Variants in C1RL observed in about 807,000 individuals in gnomAD.
C1RL encodes the protein complement C1r subcomponent-like protein.
C1RL carries 27 observed loss-of-function variants against 27.9 expected under a neutral mutation model. The ratio of observed to expected loss-of-function variants is 0.97; its 90% CI spans 0.71 to 1.33. The LOEUF (loss-of-function observed/expected upper bound fraction) is 1.33, where lower values mean the gene tolerates loss of function less well. Among genes scored for constraint, C1RL ranks in the 40% most tolerant of loss-of-function variants. C1RL has a pLI of 0.00. For missense variants in C1RL, 563 were observed against 623.9 expected (o/e 0.90, Z 1.04); for synonymous variants, 248 against 252.1 (o/e 0.98, Z 0.15).
chr12:7,108,237 C>CG lies in C1RL; in HGVS notation c.300+13_300+14insC. On this transcript the variant is annotated intron_variant, in intron 2 of 5. Transcript: ENST00000266542. ...GCCACAGTCCTGGCGGGACCCCCCC[C>CG]ATCCCCAGCTCACTGTGACAGAGTC... 6.3e-7 allele frequency: 1 copy of CG among 1,582,378 alleles called. No individual in the cohort carries two copies. Among genetic ancestry groups the CG allele is most frequent in the Non-Finnish European group, 8.6e-7 (1 of 1,159,208 alleles).
In C1RL at chr12:7,099,072, A is replaced by T. The variant is rs1591596664; in HGVS notation, c.691+614T>A. 4.0e-5 allele frequency among the ~76,000 whole-genome samples: 6 copies of T among 151,010 alleles called. No homozygotes were observed. The East Asian group carries it at 1.2e-3, about 29-fold the overall frequency. On this transcript the variant is annotated intron_variant, in intron 5 of 5. Transcript: ENST00000266542. ...AAAAAAAAAAATAAAATAAAATAAA[A>T]AAATGAGCTGGGCATAGTGGCAGGT...
chr12:7,108,604 C>T (rs904990850), intron 1 of C1RL, 125 bp from the exon 2 acceptor site: 17 of 737,916 alleles, frequency 2.3e-5, no homozygotes, highest in Non-Finnish European at 3.7e-5. Flanking sequence ...GAAGCTGTGG[C>T]CTCACCCTTG....
At chr12:7,108,711 C>T (rs774685383) in intron 1 of C1RL, 5 of 567,620 alleles carry the variant, frequency 8.8e-6, no homozygotes, top group Non-Finnish European at 1.6e-5. Context: ...GTGGGTTTTC[C>T]ATCCTCCGAA....
intron 3 of C1RL, 122 bp downstream of exon 3, chr12:7,101,776 C>T (rs1565637164): frequency 4.8e-6 from 5 of 1,043,480 alleles, no homozygotes; most frequent in Non-Finnish European, 5.8e-6. Flanking sequence ...TGGGATCCAG[C>T]CCAGGTGTCC....
intron 3 of C1RL, 42 bp downstream of exon 3, chr12:7,101,856 G>A (rs1938633693): frequency 6.3e-7 from 1 of 1,594,604 alleles, no homozygotes; most frequent in South Asian, 1.1e-5. Context: ...TCATGGCTGG[G>A]AACAGAGGCT....
chr12:7,108,879 C>T (rs1240635360), intron 1 of C1RL: 2 of 568,668 alleles, frequency 3.5e-6, no homozygotes, highest in Non-Finnish European at 6.3e-6. Flanking sequence ...TGGGAAGGTG[C>T]TAGAGGCCAC....
chr12:7,096,382 C>G lies in C1RL; in HGVS notation c.*9G>C. ...CTGTGCTGGTCAGTCCCTGTTCAAG[C>G]CCCCAGGGTCAATTCTTGCCATTCA... On this transcript the variant is annotated 3_prime_UTR_variant, in exon 6 of 6. Transcript: ENST00000266542. 1 of 1,532,436 alleles carries G rather than the reference C, an allele frequency of 6.5e-7. No homozygotes were observed. 94.9% of individuals were successfully genotyped at this position (1,532,436 alleles called of 1,614,324 possible).
rs1398006176 is a variant in C1RL at position 7,096,878 on chromosome 12, G to A, written c.977C>T (p.Pro326Leu). Residue 326 changes from proline to leucine, a missense_variant, in exon 6 of 6, where the codon CCC becomes CTC. Pro to Leu is a moderately conservative substitution (Grantham distance 98, BLOSUM62 -3). Transcript: ENST00000266542. ...ATGGGACTCATTCTGACGGTAGTCGGGGTGCACAACGACACGGTGGACAGG... is the reference window on the plus strand; with the variant it reads ...ATGGGACTCATTCTGACGGTAGTCGAGGTGCACAACGACACGGTGGACAGG... ...NHPVHRVVVH[P>L]DYRQNESHNF... The A allele has an allele frequency of 6.3e-7, 1 of 1,599,512 alleles. No homozygotes were observed. The highest frequency in any genetic ancestry group is 8.5e-7 in the Non-Finnish European group (1 of 1,171,448).
At chr12:7,109,075 C>T (rs1263013571) in intron 1 of C1RL, 35 bp downstream of exon 1, 2 of 1,525,630 alleles carry the variant, frequency 1.3e-6, no homozygotes, top group African/African-American at 2.7e-5. Flanking sequence ...CCCCTCCCGT[C>T]CTCTTCCCTC....
Position 7,108,376 on chromosome 12 carries a change from C to T in C1RL, c.175G>A (p.Glu59Lys), listed in dbSNP as rs774056364. The stretch of plus-strand genomic sequence containing the variant: ...CTCTCTTGGCCTTTGCCATACGGCT[C>T]TGGGTACCCGGGGGATGTCAGCTGC... ...PQQLTSPGYP[E>K]PYGKGQESST... is the part of the protein sequence containing the mutation. The change falls in exon 2 of 6, where the codon GAG becomes AAG. Residue 59 changes from glutamate (E) to lysine (K), a missense_variant. Coordinates refer to ENST00000266542, the MANE Select transcript of C1RL (RefSeq NM_016546.4). 7 of 1,614,210 alleles carry T rather than the reference C, an allele frequency of 4.3e-6. No homozygotes were observed. Among genetic ancestry groups the T allele is most frequent in the Middle Eastern group, 1.6e-4 (1 of 6,062 alleles).
chr12:7,101,375 ATCC>A (rs1260939001), intron 3 of C1RL, among the ~76,000 whole-genome samples: 2 of 150,994 alleles, frequency 1.3e-5, no homozygotes, highest in African/African-American at 4.9e-5. Context: ...GGCTCAAGCA[ATCC>A]TCCCCCTCAG....
rs754209479 is a variant in C1RL, at chr12:7,096,613, C to A, written c.1242G>T (p.Val414=). ...CAACACAGAACATATTGTCAGAAAA[C>A]ACCTCGGGTCTCTGTCTCTTTTGGA... The part of the protein sequence containing the change: ...AWLQKRQRPE[V]FSDNMFCVGD... Residue 414 remains valine (V), a synonymous_variant, in exon 6 of 6, where the codon GTG becomes GTT. Coordinates refer to ENST00000266542, the MANE Select transcript of C1RL (RefSeq NM_016546.4). The A allele has an allele frequency of 1.4e-5, 22 of 1,614,042 alleles. No homozygotes were observed. Among genetic ancestry groups the A allele is most frequent in the Non-Finnish European group, 1.8e-5 (21 of 1,180,042 alleles).
intron 3 of C1RL, among the ~76,000 whole-genome samples, chr12:7,100,393 G>C (rs759433711): frequency 7.2e-5 from 11 of 152,170 alleles, no homozygotes; most frequent in Non-Finnish European, 1.2e-4. Context: ...AGATGTAAAT[G>C]CAAGGATATG....
At position 7,096,772 on chromosome 12, in the gene C1RL, G is replaced by C. The variant is rs201239060; in HGVS notation, c.1083C>G (p.Pro361=). ...LGPNVLPVCL[P]DNETLYRSGL... is the part of the protein sequence containing the mutation. ...CGCTGCGGTAGAGGGTCTCATTATC[G>C]GGCAGACAGACCGGGAGGACGTTGG... is the stretch of plus-strand genomic sequence containing the variant. The change falls in exon 6 of 6, where the codon CCC becomes CCG. Residue 361 remains proline (P), a synonymous_variant. Transcript: ENST00000266542. 7.5e-6 allele frequency: 12 copies of C among 1,607,408 alleles called. No individual in the cohort carries two copies. The highest frequency in any genetic ancestry group is 2.2e-5 in the East Asian group (1 of 44,792).
chr12:7,096,480 C>T lies in C1RL; in HGVS notation c.1375G>A (p.Gly459Ser), dbSNP rs376664953. The T allele has an allele frequency of 2.5e-6, 4 of 1,613,936 alleles. No individual in the cohort carries two copies. The African/African-American group carries it at 5.3e-5, about 22-fold the overall frequency. ...TCATACCCTTCGCCACACCCTATGC[C>T]CCAGGACACAATGCCCGTGGCCACC... Reference protein sequence around the residue: ...HWVATGIVSWGIGCGEGYDFY... With the variant: ...HWVATGIVSWSIGCGEGYDFY... The change falls in exon 6 of 6, where the codon GGC (glycine) becomes AGC (serine). Residue 459 changes from glycine to serine, a missense_variant. Transcript: ENST00000266542.
chr12:7,102,104 G>C lies in C1RL; in HGVS notation c.301-17C>G, dbSNP rs184651561. 2.5e-6 allele frequency: 4 copies of C among 1,597,718 alleles called. No individual in the cohort carries two copies. The Admixed American group carries it at 6.7e-5, about 27-fold the overall frequency. ...GAATGAGATCTGAAAGCGGGAGGAG[G>C]AGTGAGGCTGCAGATAGGTGTGGGG... is the stretch of plus-strand genomic sequence containing the variant. On this transcript the variant is annotated splice_polypyrimidine_tract_variant and intron_variant, in intron 2 of 5. Coordinates refer to ENST00000266542, the MANE Select transcript of C1RL (RefSeq NM_016546.4).
At position 7,096,704 on chromosome 12, in the gene C1RL, C is replaced by T. The variant is rs751104076; in HGVS notation, c.1151G>A (p.Trp384Ter). Reference protein sequence around the residue: ...YVSGFGMEMGWLTTELKYSRL... With the variant: ...YVSGFGMEMG ...CGAGTACTTCAGCTCAGTAGTTAGCCAGCCCATCTCCATGCCAAACCCACT... is the reference window on the plus strand; with the variant it reads ...CGAGTACTTCAGCTCAGTAGTTAGCTAGCCCATCTCCATGCCAAACCCACT... Residue 384 changes from tryptophan to a stop codon, truncating the protein, a stop_gained, in exon 6 of 6, where the codon TGG becomes TAG. Transcript: ENST00000266542. LOFTEE classifies it low-confidence loss of function (END_TRUNC). The T allele has an allele frequency of 1.9e-6, 3 of 1,613,988 alleles. No individual in the cohort carries two copies. Among genetic ancestry groups the T allele is most frequent in the African/African-American group, 2.7e-5 (2 of 75,028 alleles).
chr12:7,109,003 TGTGTGTGTGGGGGG>T, intron 1 of C1RL, 93 bp downstream of exon 1: 1 of 296,664 alleles, frequency 3.4e-6, no homozygotes, highest in Non-Finnish European at 5.8e-6. Flanking sequence ...GGGGGGGGGA[TGTGTGTGTGGGGGG>T]GGTAGGGTGG....
At chr12:7,107,048 A>T (rs1225005338) in intron 2 of C1RL, among the ~76,000 whole-genome samples, 1 of 152,234 alleles carries the variant, frequency 6.6e-6, no homozygotes, top group Non-Finnish European at 1.5e-5. Context: ...ATTTATACAT[A>T]TGAAGTTAAA....
Sources: allele counts gnomAD v4.1 joint callset (sites outside exome capture counted in the v4.1 genomes callset), GRCh38; gene constraint gnomAD v4.1.1; transcripts MANE v1.5; gene names NCBI Gene and HGNC (gene_info 2026-07-23, HGNC 2026-07-21).